Variants in ANKRD44 observed in about 807,000 individuals in gnomAD.
The protein encoded by ANKRD44 is ankyrin repeat domain 44, also known as serine/threonine-protein phosphatase 6 regulatory ankyrin repeat subunit B.
A neutral mutation model predicts 116.0 loss-of-function variants in ANKRD44; 35 were observed. That is an observed-to-expected ratio of 0.30 (90% CI 0.23 to 0.40). The LOEUF (loss-of-function observed/expected upper bound fraction) is 0.40, where lower values mean the gene tolerates loss of function less well. Among genes scored for constraint, ANKRD44 ranks in the 10% least tolerant of loss-of-function variants. The pLI, the probability that ANKRD44 is intolerant of heterozygous loss-of-function variation, is 1.00. For missense variants in ANKRD44, 1,014 were observed against 1,242.6 expected (o/e 0.82, Z 2.77); for synonymous variants, 435 against 461.8 (o/e 0.94, Z 0.74).
At chr2:197,142,116 C>T (rs1200152764) in intron 3 of ANKRD44, among the ~76,000 whole-genome samples, 1 of 152,198 alleles carries the variant, frequency 6.6e-6, no homozygotes, top group African/African-American at 2.4e-5. Flanking sequence ...CAGACATGAT[C>T]TGTAATTACA....
At chr2:197,003,698 G>C (rs901844927) in intron 21 of ANKRD44, among the ~76,000 whole-genome samples, 1 of 152,152 alleles carries the variant, frequency 6.6e-6, no homozygotes, top group Non-Finnish European at 1.5e-5. Context: ...GCCCTGAAGA[G>C]AGGATCTGGT....
intron 4 of ANKRD44, chr2:197,133,837 C>G (rs1412463972): frequency 1.3e-5 from 2 of 152,094 alleles, no homozygotes; most frequent in African/African-American, 4.8e-5. Flanking sequence ...TTTAGGACTT[C>G]CACAGGACAG....
At chr2:197,288,493 C>T (rs1054344830) in intron 1 of ANKRD44, among the ~76,000 whole-genome samples, 1 of 152,034 alleles carries the variant, frequency 6.6e-6, no homozygotes, top group Non-Finnish European at 1.5e-5. Flanking sequence ...GGCATCAGTC[C>T]AAAGGAAAAG....
At chr2:196,972,404 G>A (rs1261688130) in intron 21 of ANKRD44, among the ~76,000 whole-genome samples, 1 of 152,148 alleles carries the variant, frequency 6.6e-6, no homozygotes, top group African/African-American at 2.4e-5. Flanking sequence ...ATTTCCTTAT[G>A]TTGGCCAGGC....
At chr2:197,287,220 A>G (rs1359365946) in intron 1 of ANKRD44, among the ~76,000 whole-genome samples, 1 of 152,152 alleles carries the variant, frequency 6.6e-6, no homozygotes, top group African/African-American at 2.4e-5. Context: ...TTTCTGCTCA[A>G]TTTTGCTGTG....
At position 197,063,466 on chromosome 2, in the gene ANKRD44, G is replaced by A. The variant is rs188299563; in HGVS notation, c.1650+15237C>T. 3.7e-3 allele frequency among the ~76,000 whole-genome samples: 557 copies of A among 152,324 alleles called. 4 individuals are homozygous for A. Among genetic ancestry groups the A allele is most frequent in the South Asian group, 0.019 (94 of 4,830 alleles). On this transcript the variant is annotated intron_variant, in intron 16 of 27. Transcript: ENST00000282272. The stretch of plus-strand genomic sequence containing the variant: ...AAGCTGGACGGAGAACGACTTTGAC[G>A]AGTTGAGAGAAGAAGGCTTCAGATG...
intron 21 of ANKRD44, among the ~76,000 whole-genome samples, chr2:196,973,510 T>C (rs955359467): frequency 6.6e-6 from 1 of 152,202 alleles, no homozygotes; most frequent in Admixed American, 6.5e-5. Context: ...AGGATGCACA[T>C]GAACCGGAGA....
chr2:197,105,719 C>T lies in ANKRD44; in HGVS notation c.985+5047G>A, dbSNP rs371855744. On this transcript the variant is annotated intron_variant, in intron 9 of 27. Transcript: ENST00000282272. The stretch of plus-strand genomic sequence containing the variant: ...AACTATGATCTGAATTTAGAAGTGT[C>T]CAATTGAGATCAATTCATTTTATGA... Among the ~76,000 whole-genome samples, 3 of 152,174 alleles carry T rather than the reference C, an allele frequency of 2.0e-5. No homozygotes were observed. In the East Asian group the frequency reaches 5.8e-4, roughly 29 times the overall value.
At chr2:197,128,919 A>C (rs1438017137) in intron 4 of ANKRD44, among the ~76,000 whole-genome samples, 2 of 152,208 alleles carry the variant, frequency 1.3e-5, no homozygotes, top group African/African-American at 4.8e-5. Flanking sequence ...TACAATAAAA[A>C]GTAATCAGTA....
At chr2:197,042,634 C>T (rs924717009) in intron 16 of ANKRD44, among the ~76,000 whole-genome samples, 1 of 152,082 alleles carries the variant, frequency 6.6e-6, no homozygotes, top group Non-Finnish European at 1.5e-5. Context: ...ATCACTGTCA[C>T]AAATCCAGAA....
chr2:197,040,848 G>A (rs1267730374), intron 16 of ANKRD44, among the ~76,000 whole-genome samples: 3 of 152,158 alleles, frequency 2.0e-5, no homozygotes, highest in East Asian at 3.8e-4. Flanking sequence ...CACATGCTCT[G>A]TTCCTCAGAT....
rs1485688264 is a variant in ANKRD44 at position 197,068,403 on chromosome 2, AT to A, written c.1650+10299del. On this transcript the variant is annotated intron_variant, in intron 16 of 27. Transcript: ENST00000282272. ...AGAAAAAAATAAAAAAAAAATAAAA[AT>A]AAAATAAAAAAAAATAAAACACCAA... 2.2e-3 allele frequency among the ~76,000 whole-genome samples: 137 copies of A among 63,116 alleles called. 1 individual carries two copies. The highest frequency in any genetic ancestry group is 8.1e-3 in the South Asian group (14 of 1,724). The allele number at this position is 63,116 out of a possible 152,430, so 41.4% of individuals were successfully genotyped here. A position where few individuals can be genotyped will look rare whatever the true frequency, so the allele number is the denominator to read the frequency against.
At chr2:197,192,302 C>A (rs1355843036) in intron 1 of ANKRD44, among the ~76,000 whole-genome samples, 4 of 152,154 alleles carry the variant, frequency 2.6e-5, no homozygotes, top group East Asian at 1.9e-4. Context: ...GATGCTCCAG[C>A]ATTTCATTCT....
At chr2:196,967,285 C>A in exon 22 of ANKRD44, 1 of 322,240 alleles carries the variant, frequency 3.1e-6, no homozygotes. Context: ...ACAGGCAAGG[C>A]GAATCCGGTT....
chr2:197,254,598 TACACACACACACACACACAC>T (rs3057783), intron 1 of ANKRD44, among the ~76,000 whole-genome samples: 61 of 148,264 alleles, frequency 4.1e-4, no homozygotes, highest in East Asian at 1.0e-3. Context: ...CATACATGCA[TACACACACACACACACACAC>T]ACACACACAC....
Position 197,131,424 on chromosome 2 carries a change from C to T in ANKRD44, c.261+5168G>A, listed in dbSNP as rs370822593. On this transcript the variant is annotated intron_variant, in intron 4 of 27. Coordinates refer to ENST00000282272, the MANE Select transcript of ANKRD44 (RefSeq NM_001195144.2). ...GCCAGGATGGTCTCGATCTCCTGAC[C>T]TCGTGATCCGCCCGCCTCGGCCTCC... 2.9e-3 allele frequency among the ~76,000 whole-genome samples: 438 copies of T among 152,174 alleles called. 1 individual carries two copies. The highest frequency in any genetic ancestry group is 0.017 in the East Asian group (86 of 5,184).
chr2:197,241,813 T>C (rs1440574236), intron 1 of ANKRD44, among the ~76,000 whole-genome samples: 1 of 152,182 alleles, frequency 6.6e-6, no homozygotes, highest in East Asian at 1.9e-4. Context: ...CACTACATAG[T>C]GCTGGTGGCC....
intron 16 of ANKRD44, among the ~76,000 whole-genome samples, chr2:197,038,136 G>A (rs947862452): frequency 1.3e-5 from 2 of 152,100 alleles, no homozygotes. Flanking sequence ...AGTGGACCTT[G>A]AGGTAAACTC....
chr2:197,196,645 T>C (rs1406620801), intron 1 of ANKRD44, among the ~76,000 whole-genome samples: 2 of 152,340 alleles, frequency 1.3e-5, no homozygotes, highest in African/African-American at 2.4e-5. Context: ...CTGGAACTAC[T>C]GTATACAAGA....
Sources: allele counts gnomAD v4.1 joint callset (sites outside exome capture counted in the v4.1 genomes callset), GRCh38; gene constraint gnomAD v4.1.1; transcripts MANE v1.5; gene names NCBI Gene and HGNC (gene_info 2026-07-23, HGNC 2026-07-21).